The following MTCL1 variants were observed in gnomAD, a reference collection of about 807,000 sequenced individuals.
The protein encoded by MTCL1 is microtubule crosslinking factor 1, also known as microtubule cross-linking factor 1.
MTCL1 carries 79 observed loss-of-function variants against 141.4 expected under a neutral mutation model. The observed-to-expected ratio is 0.56, with a 90% CI of 0.47 to 0.67. The LOEUF is 0.67. MTCL1 is among the 30% of genes least tolerant of loss of function. The probability of loss-of-function intolerance (pLI) is 0.00; values close to 1 mark genes in which losing one functional copy is unlikely to be tolerated. For missense variants in MTCL1, 2,177 were observed against 2,113.9 expected, an observed-to-expected ratio of 1.03 and a Z score of -0.59; for synonymous variants, 914 against 875.8, an observed-to-expected ratio of 1.04 and a Z score of -0.77.
At chr18:8,826,369 T>C in intron 15 of MTCL1, 137 bp downstream of exon 14, 1 of 883,228 alleles carries the variant, frequency 1.1e-6, no homozygotes. Flanking sequence ...GCTGGGGAGG[T>C]GTTAGGTTTA....
intron 4 of MTCL1, among the ~76,000 whole-genome samples, chr18:8,745,083 A>G (rs898276283): frequency 6.6e-6 from 1 of 152,244 alleles, no homozygotes; most frequent in Non-Finnish European, 1.5e-5. Flanking sequence ...GGCTTTGGGA[A>G]TTGGAGATTT....
At chr18:8,783,407 C>A (rs369976925) in intron 5 of MTCL1, 123 bp from the exon 5 acceptor site, 4 of 943,806 alleles carry the variant, frequency 4.2e-6, no homozygotes, top group Non-Finnish European at 6.3e-6. Flanking sequence ...TCAGCGGCAC[C>A]GATGGGAAGA....
At chr18:8,748,513 C>T (rs79809878) in intron 4 of MTCL1, among the ~76,000 whole-genome samples, 2,947 of 152,162 alleles carry the variant, frequency 0.019, 107 homozygotes, top group African/African-American at 0.066. Flanking sequence ...ACTGCATTCT[C>T]ACCTGGGTGG....
At chr18:8,747,011 C>T (rs1311876154) in intron 4 of MTCL1, among the ~76,000 whole-genome samples, 3 of 152,118 alleles carry the variant, frequency 2.0e-5, no homozygotes, top group South Asian at 2.1e-4. Flanking sequence ...GCATCGTCAC[C>T]TGGGGCCTGG....
intron 4 of MTCL1, among the ~76,000 whole-genome samples, chr18:8,753,247 G>A (rs1409163459): frequency 1.3e-5 from 2 of 152,212 alleles, no homozygotes; most frequent in Non-Finnish European, 2.9e-5. Context: ...TAGAGGCATG[G>A]CCTTCTAATC....
intron 10 of MTCL1, among the ~76,000 whole-genome samples, chr18:8,800,123 G>C (rs1006796217): frequency 6.6e-6 from 1 of 152,210 alleles, no homozygotes; most frequent in African/African-American, 2.4e-5. Context: ...CTACTGTAAC[G>C]ACAGCTGGTT....
chr18:8,759,799 CG>C (rs1051861136), intron 4 of MTCL1, among the ~76,000 whole-genome samples: 1 of 152,060 alleles, frequency 6.6e-6, no homozygotes, highest in African/African-American at 2.4e-5. Flanking sequence ...TCTGGGTCTG[CG>C]GGGGGTCCCA....
At chr18:8,801,327 T>A (rs1413716022) in intron 10 of MTCL1, among the ~76,000 whole-genome samples, 1 of 151,764 alleles carries the variant, frequency 6.6e-6, no homozygotes, top group African/African-American at 2.4e-5. Context: ...TTTTTTTTTT[T>A]AATTAGAAAG....
intron 4 of MTCL1, among the ~76,000 whole-genome samples, chr18:8,723,527 C>T (rs571352305): frequency 5.9e-5 from 9 of 152,250 alleles, no homozygotes; most frequent in African/African-American, 1.7e-4. Flanking sequence ...CTCAGGGGTC[C>T]GTGAGACAGC....
At position 8,793,092 on chromosome 18, in the gene MTCL1, CAG is replaced by C; in HGVS notation, c.1986_1987del (p.Glu662AspfsTer8). 4 of 1,614,096 alleles carry C rather than the reference CAG, an allele frequency of 2.5e-6. No individual in the cohort carries two copies. The highest frequency in any genetic ancestry group is 3.4e-6 in the Non-Finnish European group (4 of 1,179,992). ...GCGGCCAGACTGCATCAAGAGGAGACAGAGACATTTACAAACAAGATCCATAA... is the reference window on the plus strand; with the variant it reads ...GCGGCCAGACTGCATCAAGAGGAGACAGACATTTACAAACAAGATCCATAA... On this transcript the variant is annotated frameshift_variant, in exon 8 of 17. Transcript: ENST00000359865. LOFTEE classifies it high-confidence loss of function.
rs1370239611 is a variant in MTCL1, at chr18:8,822,627, G to A, written c.3188+1129G>A. On this transcript the variant is annotated intron_variant, in intron 14 of 16. Coordinates refer to ENST00000359865, the Ensembl canonical transcript of MTCL1. The surrounding 1 kb of genome is among the most constrained non-coding windows in gnomAD (Gnocchi z 4.6). ...GGTTTGAATCGCTTCTGCCTCCTTG[G>A]GTAGGTTACTCAACTGCTTTGTGCC... Among the ~76,000 whole-genome samples, 1 of 152,234 alleles carries A rather than the reference G, an allele frequency of 6.6e-6. No homozygotes were observed. Among genetic ancestry groups the A allele is most frequent in the East Asian group, 1.9e-4 (1 of 5,180 alleles).
At chr18:8,789,256 C>T (rs1032214815) in intron 7 of MTCL1, among the ~76,000 whole-genome samples, 1 of 152,186 alleles carries the variant, frequency 6.6e-6, no homozygotes, top group Admixed American at 6.5e-5. Context: ...GGGTTTTATG[C>T]CAAGTATTTG....
chr18:8,732,621 C>T (rs2096256143), intron 4 of MTCL1, among the ~76,000 whole-genome samples: 3 of 152,190 alleles, frequency 2.0e-5, no homozygotes, highest in South Asian at 4.2e-4. Context: ...AAAAATCATT[C>T]GCATTGAAAA....
chr18:8,753,903 G>A (rs1193060468), intron 4 of MTCL1, among the ~76,000 whole-genome samples: 6 of 152,066 alleles, frequency 3.9e-5, no homozygotes. Flanking sequence ...AATCTGAGAG[G>A]ACTGTTACAA....
At chr18:8,759,055 A>T (rs187269394) in intron 4 of MTCL1, among the ~76,000 whole-genome samples, 12 of 152,188 alleles carry the variant, frequency 7.9e-5, no homozygotes, top group Admixed American at 6.5e-4. Flanking sequence ...GAAAACGGGG[A>T]TGTTGTTACT....
At chr18:8,706,499 C>A (rs2096058790) in exon 1 of MTCL1, 2 of 1,300,616 alleles carry the variant, frequency 1.5e-6, no homozygotes, top group African/African-American at 1.5e-5. Flanking sequence ...GGCGCCTGTC[C>A]CGGGGGCCGG....
chr18:8,827,174 C>G (rs2077053940), intron 15 of MTCL1, among the ~76,000 whole-genome samples: 1 of 152,240 alleles, frequency 6.6e-6, no homozygotes, highest in African/African-American at 2.4e-5. Flanking sequence ...TGGCGGGGGT[C>G]AGAGGAGGAG....
chr18:8,800,778 G>A (rs1384334763), intron 10 of MTCL1: 1 of 152,224 alleles, frequency 6.6e-6, no homozygotes, highest in Non-Finnish European at 1.5e-5. Context: ...TTCACACAAG[G>A]TGATTAATGG....
chr18:8,820,445 G>A (rs909223795), intron 13 of MTCL1, among the ~76,000 whole-genome samples: 1 of 152,136 alleles, frequency 6.6e-6, no homozygotes, highest in African/African-American at 2.4e-5. Context: ...CATTACCTGT[G>A]AAGCAGTTCA....
Sources: allele counts gnomAD v4.1 joint callset (sites outside exome capture counted in the v4.1 genomes callset), GRCh38; gene constraint gnomAD v4.1.1; non-coding constraint Gnocchi (gnomAD v3.1); transcripts MANE v1.5; gene names NCBI Gene and HGNC (gene_info 2026-07-23, HGNC 2026-07-21).